The following PRKAG2 variants were observed in gnomAD, a reference collection of about 807,000 sequenced individuals.
The protein encoded by PRKAG2 is 5'-AMP-activated protein kinase subunit gamma-2.
Under a neutral mutation model 69.6 loss-of-function variants are expected in PRKAG2, and 26 were observed. The ratio of observed to expected loss-of-function variants is 0.37; its 90% confidence interval spans 0.27 to 0.52. The LOEUF (loss-of-function observed/expected upper bound fraction) is 0.52. PRKAG2 is among the 20% of genes least tolerant of loss of function. The pLI is 0.90. For synonymous variants in PRKAG2, 293 were observed against 285.0 expected (o/e 1.03, Z -0.28); for missense variants, 557 against 740.0 (o/e 0.75, Z 2.87).
rs75597337 is a variant in PRKAG2, at chr7:151,698,779, A to G, written c.467-23142T>C. 2.0e-3 allele frequency among the ~76,000 whole-genome samples: 297 copies of G among 152,262 alleles called. 3 individuals are homozygous for G. Among genetic ancestry groups the G allele is most frequent in the African/African-American group, 6.9e-3 (285 of 41,552 alleles). ...CAAATGGACTAACACAATCTCCCAA[A>G]CCAACTCCCTGACCCTTGTCACCAG... On this transcript the variant is annotated intron_variant, in intron 3 of 15. Transcript: ENST00000287878.
rs1806611928 is a variant in PRKAG2, at chr7:151,567,866, T to G, written c.1233+850A>C. 2.0e-5 allele frequency among the ~76,000 whole-genome samples: 3 copies of G among 152,190 alleles called. No homozygotes were observed. Among genetic ancestry groups the G allele is most frequent in the South Asian group, 4.1e-4 (2 of 4,832 alleles). ...GGCAGGAGCTTCAGCTCCTTCACAC[T>G]GCACCGGAACGCTATGTTAGGTCCT... is the stretch of plus-strand genomic sequence containing the variant. On this transcript the variant is annotated intron_variant, in intron 11 of 15. Transcript: ENST00000287878. This position sits in a 1 kb window ranked among gnomAD's most constrained non-coding sequence, Gnocchi z 4.2.
At chr7:151,560,281 T>A in intron 15 of PRKAG2, 1 of 1,401,496 alleles carries the variant, frequency 7.1e-7, no homozygotes, top group South Asian at 1.3e-5. Context: ...CCAAGTCATT[T>A]AGGGGGCCAC....
At chr7:151,869,644 G>C (rs1211254206) in intron 1 of PRKAG2, among the ~76,000 whole-genome samples, 1 of 152,250 alleles carries the variant, frequency 6.6e-6, no homozygotes, top group African/African-American at 2.4e-5. Context: ...CTTTGAGGAA[G>C]TGATCACGCA....
intron 3 of PRKAG2, among the ~76,000 whole-genome samples, chr7:151,725,021 C>T (rs779371843): frequency 1.1e-3 from 161 of 152,180 alleles, no homozygotes; most frequent in Non-Finnish European, 1.6e-3. Flanking sequence ...CCTTTCACCG[C>T]GCCTGACGTG....
chr7:151,719,374 T>C lies in PRKAG2; in HGVS notation c.467-43737A>G, dbSNP rs1055490875. ...AGGCCTCCTGCTGGGGGAGCTGGGC[T>C]ATAACTTCCGCTTCCCCCTTCACAC... is the stretch of plus-strand genomic sequence containing the variant. On this transcript the variant is annotated intron_variant, in intron 3 of 15. Transcript: ENST00000287878. This position sits in a 1 kb window ranked among gnomAD's most constrained non-coding sequence, Gnocchi z 5.2. 6.6e-6 allele frequency among the ~76,000 whole-genome samples: 1 copy of C among 152,024 alleles called. No homozygotes were observed. The highest frequency in any genetic ancestry group is 2.4e-5 in the African/African-American group (1 of 41,396).
In PRKAG2 at chr7:151,708,709, T is replaced by C. The variant is rs551978139; in HGVS notation, c.467-33072A>G. On this transcript the variant is annotated intron_variant, in intron 3 of 15. Coordinates refer to ENST00000287878, the MANE Select transcript of PRKAG2 (RefSeq NM_016203.4). ...ACCAGAGGGGATGACAAAGGTAAAA[T>C]GTCCAGCAATTCACAGGGAACTTGA... is the stretch of plus-strand genomic sequence containing the variant. 8.5e-5 allele frequency among the ~76,000 whole-genome samples: 13 copies of C among 152,290 alleles called. 1 individual carries two copies. The South Asian group carries it at 1.2e-3, about 15-fold the overall frequency.
At chr7:151,796,057 T>C (rs1460549462) in intron 1 of PRKAG2, among the ~76,000 whole-genome samples, 1 of 151,304 alleles carries the variant, frequency 6.6e-6, no homozygotes, top group African/African-American at 2.4e-5. Context: ...TTAAGAAAAA[T>C]AGGAGATCTA....
intron 4 of PRKAG2, among the ~76,000 whole-genome samples, chr7:151,655,082 G>A (rs546109226): frequency 1.3e-5 from 2 of 152,216 alleles, no homozygotes; most frequent in East Asian, 1.9e-4. Flanking sequence ...GTATTACTCG[G>A]GAAATATGTG....
intron 1 of PRKAG2, among the ~76,000 whole-genome samples, chr7:151,860,126 T>C (rs2079882303): frequency 6.6e-6 from 1 of 152,180 alleles, no homozygotes; most frequent in African/African-American, 2.4e-5. Flanking sequence ...CATCTGCCTA[T>C]CGGATGCTTT....
At chr7:151,703,811 TAACCA>T (rs2151577934) in intron 3 of PRKAG2, among the ~76,000 whole-genome samples, 1 of 144,726 alleles carries the variant, frequency 6.9e-6, no homozygotes, top group African/African-American at 2.6e-5. Context: ...GAGACCAGCC[TAACCA>T]ACATGGTGAA....
rs1389459817 is a variant in PRKAG2, at chr7:151,771,318, T to C, written c.466+9834A>G. Among the ~76,000 whole-genome samples, 1 of 152,220 alleles carries C rather than the reference T, an allele frequency of 6.6e-6. No individual in the cohort carries two copies. Among genetic ancestry groups the C allele is most frequent in the African/African-American group, 2.4e-5 (1 of 41,466 alleles). On this transcript the variant is annotated intron_variant, in intron 3 of 15. Coordinates refer to ENST00000287878, the MANE Select transcript of PRKAG2 (RefSeq NM_016203.4). This position sits in a 1 kb window ranked among gnomAD's most constrained non-coding sequence, Gnocchi z 4.0. ...GCACCACGTTTCTTGTCTTTCCAAG[T>C]CTGCTGATGCTTTCAAAATCCCCAC...
At chr7:151,755,594 C>T (rs1424230444) in intron 3 of PRKAG2, among the ~76,000 whole-genome samples, 4 of 152,158 alleles carry the variant, frequency 2.6e-5, no homozygotes. Context: ...ACCCAATGGC[C>T]CAATCCTGCT....
chr7:151,840,458 C>T (rs1266805856), intron 1 of PRKAG2, among the ~76,000 whole-genome samples: 2 of 152,222 alleles, frequency 1.3e-5, no homozygotes, highest in Non-Finnish European at 2.9e-5. Context: ...GCAATCATAG[C>T]TCACTGCAGC....
Position 151,840,316 on chromosome 7 carries a change from TGTGTA to T in PRKAG2, c.114+36186_114+36190del, listed in dbSNP as rs1304750993. Reference sequence around the variant, plus strand: ...TGCCTTCGAGGTTCCCCAGGCTGCCTGTGTAGAGAAAGCAGCAGCTGGCCCAGCAG... The same window carrying T: ...TGCCTTCGAGGTTCCCCAGGCTGCCTGAGAAAGCAGCAGCTGGCCCAGCAG... On this transcript the variant is annotated intron_variant, in intron 1 of 15. Coordinates refer to ENST00000287878, the MANE Select transcript of PRKAG2 (RefSeq NM_016203.4). Among the ~76,000 whole-genome samples, 8 of 152,062 alleles carry T rather than the reference TGTGTA, an allele frequency of 5.3e-5. 1 individual carries two copies. The highest frequency in any genetic ancestry group is 1.2e-4 in the Non-Finnish European group (8 of 68,004).
rs186114650 is a variant in PRKAG2, at chr7:151,564,187, A to T, written c.1475T>A (p.Ile492Asn). ...AAEKTYNNLD[I>N]TVTQALQHRS... is the part of the protein sequence containing the mutation. ...GTGCTGAAGGGCCTGGGTCACCGTG[A>T]TATCTAGGTTATTGTATGTTTTCTC... The change falls in exon 14 of 16, where the codon ATC becomes AAC. Residue 492 changes from isoleucine to asparagine, a missense_variant. Ile to Asn is a moderately radical substitution (Grantham distance 149). Around this residue, in one of 2 missense-constraint regions of PRKAG2, gnomAD observed 205 missense variants for 383.4 expected, o/e 0.53. Transcript: ENST00000287878. 70 of 1,614,150 alleles carry T rather than the reference A, an allele frequency of 4.3e-5. 2 individuals are homozygous for T. In the Middle Eastern group the frequency reaches 9.9e-4, roughly 23 times the overall value.
At chr7:151,855,474 C>CCA (rs878941624) in intron 1 of PRKAG2, among the ~76,000 whole-genome samples, 123 of 7,144 alleles carry the variant, frequency 0.017, no homozygotes, top group Non-Finnish European at 0.02. Context: ...ACACCATGCT[C>CCA]CACACACCAC....
At position 151,781,307 on chromosome 7, in the gene PRKAG2, G is replaced by A; in HGVS notation, c.311C>T (p.Thr104Ile). The stretch of plus-strand genomic sequence containing the variant: ...CTCCTGGTAGGAGAACGGGAACACG[G>A]TTTTGGGAGAGCCGGGGCTGGTCTT... ...RPKTSPGSPK[T>I]VFPFSYQESP... The change falls in exon 3 of 16, where the codon ACC (threonine) becomes ATC (isoleucine). Residue 104 changes from threonine (T) to isoleucine (I), a missense_variant. By Grantham distance (89) the Thr-to-Ile change is moderately conservative. Coordinates refer to ENST00000287878, the MANE Select transcript of PRKAG2 (RefSeq NM_016203.4). This position sits in a 1 kb window ranked among gnomAD's most constrained non-coding sequence, Gnocchi z 6.1. 1 of 1,614,096 alleles carries A rather than the reference G, an allele frequency of 6.2e-7. No homozygotes were observed. The highest frequency in any genetic ancestry group is 8.5e-7 in the Non-Finnish European group (1 of 1,180,032).
intron 3 of PRKAG2, among the ~76,000 whole-genome samples, chr7:151,685,098 G>T (rs930374396): frequency 6.6e-6 from 1 of 152,132 alleles, no homozygotes; most frequent in Admixed American, 6.6e-5. Flanking sequence ...TACACAGAGC[G>T]GGCCTGCCTG....
At chr7:151,844,064 G>C (rs1191961685) in intron 1 of PRKAG2, among the ~76,000 whole-genome samples, 1 of 152,262 alleles carries the variant, frequency 6.6e-6, no homozygotes, top group African/African-American at 2.4e-5. Context: ...GATAGAAGGA[G>C]ATGGAGAAGA....
Sources: gnomAD v4.1 joint callset for allele counts (sites outside exome capture counted in the v4.1 genomes callset) on GRCh38, gnomAD v4.1.1 for gene constraint, gnomAD v4.1.1 regional missense constraint, Gnocchi (gnomAD v3.1) non-coding constraint, MANE v1.5 for transcripts, NCBI Gene and HGNC (gene_info 2026-07-23, HGNC 2026-07-21) for gene names.